CPXM2: variants seen among roughly 807,000 people sequenced by gnomAD.
CPXM2 encodes the protein carboxypeptidase X, M14 family member 2, also known as inactive carboxypeptidase-like protein X2.
CPXM2 carries 66 observed loss-of-function variants against 86.1 expected under a neutral mutation model. The ratio of observed to expected loss-of-function variants is 0.77; its 90% CI spans 0.63 to 0.94. CPXM2 has a LOEUF of 0.94. Among genes scored for constraint, CPXM2 ranks in the 40% least tolerant of loss-of-function variants. The pLI, the probability that CPXM2 is intolerant of heterozygous loss-of-function variation, is 0.00. For synonymous variants in CPXM2, 388 were observed against 400.2 expected (o/e 0.97, Z 0.36); for missense variants, 948 against 1,026.3 (o/e 0.92, Z 1.04).
At chr10:123,912,769 GTTAA>G (rs1304312883) in intron 2 of CPXM2, among the ~76,000 whole-genome samples, 1 of 152,196 alleles carries the variant, frequency 6.6e-6, no homozygotes, top group Non-Finnish European at 1.5e-5. Flanking sequence ...CTCACAACCT[GTTAA>G]TTTATTTTAT....
chr10:123,772,504 C>T (rs1304776114), intron 7 of CPXM2, among the ~76,000 whole-genome samples: 1 of 151,978 alleles, frequency 6.6e-6, no homozygotes, highest in Non-Finnish European at 1.5e-5. Context: ...TTATCACTCC[C>T]CTGGGTGTAG....
intron 4 of CPXM2, among the ~76,000 whole-genome samples, chr10:123,832,699 C>T (rs745880061): frequency 8.6e-5 from 13 of 151,918 alleles, no homozygotes; most frequent in East Asian, 3.9e-4. Flanking sequence ...TGGTGGTACA[C>T]GCCTATAATA....
In CPXM2 at chr10:123,906,815, G is replaced by A. The variant is rs9423277; in HGVS notation, n.175-26506C>T. Among the ~76,000 whole-genome samples, 443 of 152,284 alleles carry A rather than the reference G, an allele frequency of 2.9e-3. 2 individuals carry two copies. Among genetic ancestry groups the A allele is most frequent in the Middle Eastern group, 6.8e-3 (2 of 294 alleles). ...AGAGAAAGCAGAGTCCCAAACCAAG[G>A]ACCAGGATGGAAAGCAACCCCCAAA... On this transcript the variant is annotated intron_variant and non_coding_transcript_variant, in intron 2 of 19. Coordinates refer to the CPXM2 transcript ENST00000368854.
intron 4 of CPXM2, among the ~76,000 whole-genome samples, chr10:123,818,665 G>A (rs953682161): frequency 6.6e-6 from 1 of 152,190 alleles, no homozygotes; most frequent in Non-Finnish European, 1.5e-5. Flanking sequence ...GTGGCAGTGG[G>A]CTCCTGCTCA....
intron 4 of CPXM2, among the ~76,000 whole-genome samples, chr10:123,834,240 A>G (rs1198963427): frequency 6.6e-6 from 1 of 152,192 alleles, no homozygotes; most frequent in Non-Finnish European, 1.5e-5. Context: ...TTTCTGCACT[A>G]AAGAGCCCCC....
At chr10:123,791,893 G>A (rs1333137976) in intron 6 of CPXM2, among the ~76,000 whole-genome samples, 2 of 152,178 alleles carry the variant, frequency 1.3e-5, no homozygotes, top group Non-Finnish European at 2.9e-5. Context: ...CCATCCTTCC[G>A]AACTGAGCTG....
intron 3 of CPXM2, 144 bp downstream of exon 3, chr10:123,862,470 A>G (rs1848871103): frequency 2.7e-6 from 2 of 735,366 alleles, no homozygotes; most frequent in African/African-American, 1.8e-5. Flanking sequence ...TCTCTGTAAA[A>G]TTAGGATCAT....
At chr10:123,771,304 T>A (rs1442038818) in intron 7 of CPXM2, among the ~76,000 whole-genome samples, 2 of 152,206 alleles carry the variant, frequency 1.3e-5, no homozygotes, top group Non-Finnish European at 2.9e-5. Flanking sequence ...CACCCGGTCC[T>A]GTACTTTCCA....
At chr10:123,930,577 C>G (rs1945659664) in intron 2 of CPXM2, among the ~76,000 whole-genome samples, 1 of 152,192 alleles carries the variant, frequency 6.6e-6, no homozygotes, top group Non-Finnish European at 1.5e-5. Context: ...CCATCAGGAC[C>G]TCCAAGTGCA....
intron 6 of CPXM2, among the ~76,000 whole-genome samples, chr10:123,793,665 G>A (rs1001844774): frequency 3.9e-5 from 6 of 151,920 alleles, no homozygotes; most frequent in African/African-American, 7.3e-5. Context: ...AAAGAAGCTC[G>A]CTGATGACAT....
intron 1 of CPXM2, among the ~76,000 whole-genome samples, chr10:123,880,828 CAAAAAAAAAAA>C (rs71484548): frequency 2.4e-4 from 13 of 54,006 alleles, no homozygotes; most frequent in East Asian, 7.2e-4. Context: ...GATTCCGTCT[CAAAAAAAAAAA>C]AAAAAAAAAA....
chr10:123,861,496 A>G (rs747326272), intron 3 of CPXM2, among the ~76,000 whole-genome samples: 4 of 152,184 alleles, frequency 2.6e-5, no homozygotes, highest in East Asian at 1.9e-4. Context: ...ATATTAGATT[A>G]CACAGCAGAG....
At chr10:123,830,585 T>C (rs1848142962) in intron 4 of CPXM2, among the ~76,000 whole-genome samples, 1 of 152,180 alleles carries the variant, frequency 6.6e-6, no homozygotes, top group South Asian at 2.1e-4. Context: ...CCTCGTTTTT[T>C]AGGCCAGTTC....
chr10:123,767,133 C>A lies in CPXM2; in HGVS notation c.1319G>T (p.Trp440Leu). Residue 440 changes from tryptophan to leucine, a missense_variant, in exon 10 of 14, where the codon TGG (tryptophan) becomes TTG (leucine). By Grantham distance (61) the Trp-to-Leu change is moderately conservative. Coordinates refer to ENST00000241305, the MANE Select transcript of CPXM2 (RefSeq NM_198148.3). ...ATCGTGGGTCCAGCGTCCCAGGGAC[C>A]AGCCTCCCAGCTCCGAGCCCTGGAG... is the stretch of plus-strand genomic sequence containing the variant. ...AYEGGSELGG[W>L]SLGRWTHDGI... 1 of 1,614,062 alleles carries A rather than the reference C, an allele frequency of 6.2e-7. No individual in the cohort carries two copies. Among genetic ancestry groups the A allele is most frequent in the Non-Finnish European group, 8.5e-7 (1 of 1,180,010 alleles).
At chr10:123,792,442 G>T (rs1251323360) in intron 6 of CPXM2, among the ~76,000 whole-genome samples, 1 of 152,140 alleles carries the variant, frequency 6.6e-6, no homozygotes, top group African/African-American at 2.4e-5. Context: ...AACGCAAGGC[G>T]CCAGCTAGCC....
chr10:123,884,376 AC>A (rs1945146490), intron 1 of CPXM2, among the ~76,000 whole-genome samples: 1 of 152,348 alleles, frequency 6.6e-6, no homozygotes, highest in South Asian at 2.1e-4. Context: ...TCACAGGTGA[AC>A]ATGAAAATCT....
rs758512500 is a variant in CPXM2 at position 123,762,065 on chromosome 10, G to A, written c.1584C>T (p.Asp528=). ...GGELVVAYPY[D]LVRSPWKTQE... ...GCGTCTTCCAGGGGGACCGCACCAGGTCGTAGGGGTACGCCACCACCAGCT... is the reference window on the plus strand; with the variant it reads ...GCGTCTTCCAGGGGGACCGCACCAGATCGTAGGGGTACGCCACCACCAGCT... The change falls in exon 11 of 14, where the codon GAC becomes GAT. Residue 528 remains aspartate (D), a synonymous_variant. Transcript: ENST00000241305. 1.9e-6 allele frequency: 3 copies of A among 1,614,110 alleles called. No homozygotes were observed. The South Asian group carries it at 3.3e-5, about 18-fold the overall frequency.
chr10:123,804,279 C>G (rs2134079664), intron 4 of CPXM2, among the ~76,000 whole-genome samples: 1 of 152,252 alleles, frequency 6.6e-6, no homozygotes, highest in Middle Eastern at 3.4e-3. Context: ...TTGTCAATTT[C>G]TAAAACAAAG....
chr10:123,850,614 C>G (rs1247088117), intron 3 of CPXM2, among the ~76,000 whole-genome samples: 1 of 152,174 alleles, frequency 6.6e-6, no homozygotes, highest in Admixed American at 6.5e-5. Flanking sequence ...TTGAAGTAAT[C>G]TTTTACTTAA....
Sources: gnomAD v4.1 joint callset for allele counts (sites outside exome capture counted in the v4.1 genomes callset) on GRCh38, gnomAD v4.1.1 for gene constraint, MANE v1.5 for transcripts, NCBI Gene and HGNC (gene_info 2026-07-23, HGNC 2026-07-21) for gene names.